GPC6: variants seen among roughly 807,000 people sequenced by gnomAD.
The protein encoded by GPC6 is glypican-6.
A neutral mutation model predicts 55.2 loss-of-function variants in GPC6; 14 were observed. The observed-to-expected ratio is 0.25, with a 90% confidence interval of 0.17 to 0.40. The LOEUF is 0.40. GPC6 is among the 10% of genes least tolerant of loss of function. The pLI, the probability that GPC6 is intolerant of heterozygous loss-of-function variation, is 1.00. For synonymous variants in GPC6, 278 were observed against 259.6 expected (o/e 1.07, Z -0.68); for missense variants, 641 against 708.5 (o/e 0.90, Z 1.08).
chr13:94,099,453 G>A (rs1885776051), intron 4 of GPC6, among the ~76,000 whole-genome samples: 1 of 152,196 alleles, frequency 6.6e-6, no homozygotes, highest in Admixed American at 6.5e-5. Flanking sequence ...GAAACTGAAG[G>A]TGTATATAGG....
chr13:93,626,040 G>A lies in GPC6; in HGVS notation c.319+80619G>A, dbSNP rs1879187474. Among the ~76,000 whole-genome samples the A allele has an allele frequency of 2.0e-5, 3 of 152,060 alleles. No homozygotes were observed. In the South Asian group the frequency reaches 6.2e-4, roughly 32 times the overall value. Reference sequence around the variant, plus strand: ...TTCCATCATGATTGATACATGAGGAGGAAATTTGAGCGTAATAAGAAGTTT... The same window carrying A: ...TTCCATCATGATTGATACATGAGGAAGAAATTTGAGCGTAATAAGAAGTTT... On this transcript the variant is annotated intron_variant, in intron 2 of 8. Transcript: ENST00000377047.
chr13:94,313,279 A>G (rs990950590), intron 6 of GPC6, among the ~76,000 whole-genome samples: 9 of 152,194 alleles, frequency 5.9e-5, no homozygotes, highest in African/African-American at 2.2e-4. Context: ...TATCTCCAGG[A>G]TATTCTGCTT....
At chr13:93,409,423 C>G (rs910001259) in intron 1 of GPC6, among the ~76,000 whole-genome samples, 1 of 152,140 alleles carries the variant, frequency 6.6e-6, no homozygotes, top group African/African-American at 2.4e-5. Context: ...CATCTTCCAT[C>G]TTTAGCTAAC....
Position 93,881,824 on chromosome 13 carries a change from G to A in GPC6, c.711+51279G>A, listed in dbSNP as rs953629435. Among the ~76,000 whole-genome samples the A allele has an allele frequency of 5.9e-5, 9 of 152,076 alleles. No homozygotes were observed. The East Asian group carries it at 9.7e-4, about 16-fold the overall frequency. ...CCTTGCTTATTTGTAACTTTGTAAC[G>A]TTCTCTGACAGGGAGAAACCTGGCT... On this transcript the variant is annotated intron_variant, in intron 3 of 8. Transcript: ENST00000377047.
rs185188993 is a variant in GPC6 at position 93,402,827 on chromosome 13, G to A, written c.161-142436G>A. On this transcript the variant is annotated intron_variant, in intron 1 of 8. Coordinates refer to ENST00000377047, the MANE Select transcript of GPC6 (RefSeq NM_005708.5). The stretch of plus-strand genomic sequence containing the variant: ...TTGCTTATTGGACCCATTTTCCAAT[G>A]TAATATAAATAGATAACTTGATCAC... 4.1e-3 allele frequency among the ~76,000 whole-genome samples: 630 copies of A among 152,202 alleles called. 2 individuals carry two copies. The highest frequency in any genetic ancestry group is 0.015 in the African/African-American group (607 of 41,528).
intron 3 of GPC6, among the ~76,000 whole-genome samples, chr13:93,912,408 A>G (rs1157708375): frequency 2.0e-5 from 3 of 152,166 alleles, no homozygotes; most frequent in Non-Finnish European, 4.4e-5. Flanking sequence ...TTAATTTCCT[A>G]CAGCGGCTGT....
At chr13:93,930,068 T>A (rs1594596689) in intron 3 of GPC6, among the ~76,000 whole-genome samples, 2 of 151,946 alleles carry the variant, frequency 1.3e-5, no homozygotes, top group South Asian at 4.2e-4. Flanking sequence ...TAAAAAAAAA[T>A]GCCAAGACAA....
intron 2 of GPC6, among the ~76,000 whole-genome samples, chr13:93,673,650 A>C (rs554536976): frequency 6.6e-6 from 1 of 152,266 alleles, no homozygotes; most frequent in African/African-American, 2.4e-5. Context: ...GTAAAGTGAA[A>C]ATTCATTAAA....
intron 7 of GPC6, among the ~76,000 whole-genome samples, chr13:94,398,191 T>G (rs935453578): frequency 6.6e-6 from 1 of 151,950 alleles, no homozygotes; most frequent in Admixed American, 6.6e-5. Flanking sequence ...GGTCCCCAAT[T>G]TCGCATTTAT....
intron 1 of GPC6, among the ~76,000 whole-genome samples, chr13:93,414,944 AAT>A (rs953828992): frequency 1.1e-4 from 17 of 152,302 alleles, no homozygotes; most frequent in East Asian, 1.9e-4. Context: ...AGAAAATTTA[AAT>A]GTTTTAGCAA....
intron 1 of GPC6, among the ~76,000 whole-genome samples, chr13:93,231,692 A>T (rs1308870362): frequency 1.3e-5 from 2 of 151,958 alleles, no homozygotes; most frequent in Non-Finnish European, 2.9e-5. Flanking sequence ...TTCTTTCAGT[A>T]TACTAGGCCT....
intron 1 of GPC6, among the ~76,000 whole-genome samples, chr13:93,469,632 A>G (rs1594192172): frequency 6.6e-6 from 1 of 152,308 alleles, no homozygotes; most frequent in East Asian, 1.9e-4. Context: ...ATGTTTGTTT[A>G]CCAGGCTTTC....
chr13:93,331,195 T>C (rs1879831839), intron 1 of GPC6, among the ~76,000 whole-genome samples: 1 of 152,234 alleles, frequency 6.6e-6, no homozygotes, highest in Non-Finnish European at 1.5e-5. Context: ...TCCTCCTTTT[T>C]TCTTTCTTGC....
chr13:93,360,420 G>A (rs867802850), intron 1 of GPC6, among the ~76,000 whole-genome samples: 3 of 152,238 alleles, frequency 2.0e-5, no homozygotes, highest in Middle Eastern at 6.8e-3. Context: ...ACAGAGGCAT[G>A]TCACAAAAAG....
At chr13:93,540,180 G>T (rs143133587) in intron 1 of GPC6, among the ~76,000 whole-genome samples, 1,874 of 152,188 alleles carry the variant, frequency 0.012, 28 homozygotes, top group Admixed American at 0.03. Context: ...AGGGCTGCTT[G>T]TTTTTTCATT....
intron 1 of GPC6, among the ~76,000 whole-genome samples, chr13:93,386,956 A>G (rs1035195476): frequency 2.0e-5 from 3 of 152,090 alleles, no homozygotes; most frequent in African/African-American, 7.2e-5. Context: ...TTATGAGGGC[A>G]TTCTCATTGG....
intron 4 of GPC6, among the ~76,000 whole-genome samples, chr13:94,247,723 A>C (rs1891238041): frequency 6.6e-6 from 1 of 152,148 alleles, no homozygotes; most frequent in Non-Finnish European, 1.5e-5. Context: ...ATGTATAATC[A>C]TTTTGATGTG....
chr13:93,458,144 T>C (rs1878539551), intron 1 of GPC6, among the ~76,000 whole-genome samples: 1 of 152,198 alleles, frequency 6.6e-6, no homozygotes, highest in African/African-American at 2.4e-5. Flanking sequence ...TCTAATTTAT[T>C]TGTTTTGTAG....
chr13:93,793,050 T>C (rs1042201595), intron 2 of GPC6, among the ~76,000 whole-genome samples: 1 of 152,180 alleles, frequency 6.6e-6, no homozygotes, highest in Non-Finnish European at 1.5e-5. Flanking sequence ...CGAAATTTGA[T>C]TTGAAATGAG....
Sources: gnomAD v4.1 joint callset for allele counts (sites outside exome capture counted in the v4.1 genomes callset) on GRCh38, gnomAD v4.1.1 for gene constraint, MANE v1.5 for transcripts, NCBI Gene and HGNC (gene_info 2026-07-23, HGNC 2026-07-21) for gene names.